The following MTX1 variants were observed in gnomAD, a reference collection of about 807,000 sequenced individuals.
MTX1 encodes the protein metaxin-1.
MTX1 carries 20 observed loss-of-function variants against 39.4 expected under a neutral mutation model. The observed-to-expected ratio is 0.51, with a 90% CI of 0.36 to 0.74. MTX1 has a LOEUF of 0.74. MTX1 is among the 30% of genes least tolerant of loss of function. The probability of loss-of-function intolerance (pLI) is 0.00; values close to 1 mark genes in which losing one functional copy is unlikely to be tolerated. For synonymous variants in MTX1, 209 were observed against 198.6 expected, an observed-to-expected ratio of 1.05 and a Z score of -0.44; for missense variants, 481 against 485.9, an observed-to-expected ratio of 0.99 and a Z score of 0.10.
chr1:155,209,291 TG>T lies in MTX1; in HGVS notation c.492del (p.Leu165CysfsTer12), dbSNP rs1451249131. On this transcript the variant is annotated frameshift_variant, in exon 1 of 8. Transcript: ENST00000368376. LOFTEE classifies it high-confidence loss of function. ...GGAGCTGTTCTGCTGGTCAGGGGGC[TG>T]GGGGCTGCCGTCAGTGGACCTGGAC... ...PMELFCWSGG[W>X]GLPSVDLDSL... 3 of 1,439,406 alleles carry T rather than the reference TG, an allele frequency of 2.1e-6. No individual in the cohort carries two copies. Among genetic ancestry groups the T allele is most frequent in the South Asian group, 1.5e-5 (1 of 65,736 alleles). The allele number at this position is 1,439,406 out of a possible 1,614,324, so 89.2% of individuals were successfully genotyped here.
Position 155,210,389 on chromosome 1 carries a change from T to C in MTX1, c.572T>C (p.Ile191Thr), listed in dbSNP as rs750522511. The change falls in exon 2 of 8, where the codon ATC (isoleucine) becomes ACC (threonine). Residue 191 changes from isoleucine (I) to threonine (T), a missense_variant. Coordinates refer to ENST00000368376, the MANE Select transcript of MTX1 (RefSeq NM_002455.5). ...FTGAPLKVHK[I>T]SNPWQSPSGT... ...GGTGCTCCACTGAAGGTACACAAGATCAGCAACCCCTGGCAGAGCCCTTCA... is the reference window on the plus strand; with the variant it reads ...GGTGCTCCACTGAAGGTACACAAGACCAGCAACCCCTGGCAGAGCCCTTCA... 1.2e-5 allele frequency: 19 copies of C among 1,614,050 alleles called. No homozygotes were observed. Among genetic ancestry groups the C allele is most frequent in the Non-Finnish European group, 1.4e-5 (17 of 1,180,024 alleles).
At chr1:155,211,485 G>A (rs1404325543) in intron 3 of MTX1, 1 of 152,760 alleles carries the variant, frequency 6.5e-6, no homozygotes, top group Non-Finnish European at 1.5e-5. Flanking sequence ...GGTTATCTGG[G>A]GACAAAGCTT....
rs1429254338 is a variant in MTX1 at position 155,208,923 on chromosome 1, G to A, written c.119G>A (p.Arg40Lys). The A allele has an allele frequency of 6.2e-7, 1 of 1,611,184 alleles. No homozygotes were observed. The highest frequency in any genetic ancestry group is 8.5e-7 in the Non-Finnish European group (1 of 1,179,576). ...CCCCAGACCTGGCCCAGGCGCACAA[G>A]ACCCCGCTCTCCAGAGCCTGCCGCG... Reference protein sequence around the residue: ...KSPQTWPRRTRPRSPEPAAPS... With the variant: ...KSPQTWPRRTKPRSPEPAAPS... The change falls in exon 1 of 8, where the codon AGA becomes AAA. Residue 40 changes from arginine (R) to lysine (K), a missense_variant. Around this residue, in one of 2 missense-constraint regions of MTX1, gnomAD observed 368 missense variants for 332.8 expected, o/e 1.11. Transcript: ENST00000368376.
Position 155,209,111 on chromosome 1 carries a change from G to A in MTX1, c.307G>A (p.Ala103Thr), listed in dbSNP as rs1163204154. Residue 103 changes from alanine to threonine, a missense_variant, in exon 1 of 8, where the codon GCC becomes ACC. Physicochemically the swap from Ala to Thr is moderately conservative, Grantham distance 58 (BLOSUM62 0). Transcript: ENST00000368376. The stretch of plus-strand genomic sequence containing the variant: ...CCCCCGCAGTTCAGCTGCCAGTCGG[G>A]CCAGAAGAAGCCTCGCCTCCCCGGG... Reference protein sequence around the residue: ...PVPRSSAASRARRSLASPGIS... With the variant: ...PVPRSSAASRTRRSLASPGIS... 1.6e-5 allele frequency: 25 copies of A among 1,542,646 alleles called. No individual in the cohort carries two copies.
rs1218410476 is a variant in MTX1 at position 155,209,158 on chromosome 1, C to A, written c.354C>A (p.Thr118=). ...CGGGGATCTCCCCAGGCCCCCTGACCGCAACGATCGGAGGGGCGGTGGCGG... is the reference window on the plus strand; with the variant it reads ...CGGGGATCTCCCCAGGCCCCCTGACAGCAACGATCGGAGGGGCGGTGGCGG... The part of the protein sequence containing the change: ...ASPGISPGPL[T]ATIGGAVAGG... The change falls in exon 1 of 8, where the codon ACC becomes ACA. Residue 118 remains threonine (T), a synonymous_variant. Transcript: ENST00000368376. The A allele has an allele frequency of 6.6e-7, 1 of 1,509,018 alleles. No homozygotes were observed. Among genetic ancestry groups the A allele is most frequent in the South Asian group, 1.2e-5 (1 of 80,126 alleles). The allele number at this position is 1,509,018 out of a possible 1,614,324, so 93.5% of individuals were successfully genotyped here. A position where few individuals can be genotyped will look rare whatever the true frequency, so the allele number is the denominator to read the frequency against.
chr1:155,209,721 C>T (rs1319054989), intron 1 of MTX1, among the ~76,000 whole-genome samples: 1 of 152,176 alleles, frequency 6.6e-6, no homozygotes, highest in African/African-American at 2.4e-5. Flanking sequence ...TCTCCTCTTC[C>T]TCCTCACTTA....
At chr1:155,210,928 C>T (rs1364040205) in intron 3 of MTX1, 25 of 429,938 alleles carry the variant, frequency 5.8e-5, no homozygotes, top group Non-Finnish European at 9.9e-5. Flanking sequence ...AGGGCCACTT[C>T]CTGTTTTCAG....
chr1:155,210,349 T>A lies in MTX1; in HGVS notation c.532T>A (p.Tyr178Asn). Residue 178 changes from tyrosine (Y) to asparagine (N), a missense_variant, in exon 2 of 8, where the codon TAT becomes AAT. Around this residue, in one of 2 missense-constraint regions of MTX1, gnomAD observed 368 missense variants for 332.8 expected, o/e 1.11. Transcript: ENST00000368376. Reference sequence around the variant, plus strand: ...ACTTCTGCTTCCTTCCCTGCAGACCTATGCCAGATTTACTGGTGCTCCACT... The same window carrying A: ...ACTTCTGCTTCCTTCCCTGCAGACCAATGCCAGATTTACTGGTGCTCCACT... ...VDLDSLAVLT[Y>N]ARFTGAPLKV... The A allele has an allele frequency of 6.2e-7, 1 of 1,614,192 alleles. No individual in the cohort carries two copies. Among genetic ancestry groups the A allele is most frequent in the Non-Finnish European group, 8.5e-7 (1 of 1,179,996 alleles).
intron 1 of MTX1, among the ~76,000 whole-genome samples, chr1:155,209,890 G>A (rs1261649888): frequency 2.6e-5 from 4 of 152,192 alleles, no homozygotes; most frequent in African/African-American, 7.2e-5. Flanking sequence ...AACATTGCCA[G>A]GCAAAGATGA....
rs1410196734 is a variant in MTX1 at position 155,212,381 on chromosome 1, C to T, written c.772-4C>T. 7 of 1,613,954 alleles carry T rather than the reference C, an allele frequency of 4.3e-6. No individual in the cohort carries two copies. The highest frequency in any genetic ancestry group is 5.1e-6 in the Non-Finnish European group (6 of 1,179,930). On this transcript the variant is annotated splice_region_variant and splice_polypyrimidine_tract_variant and intron_variant, in intron 4 of 7. Transcript: ENST00000368376. ...ACCTGTTTCTTCCTGCCCACCCAAT[C>T]CAGGTACATACTTTTTGGATAGACA...
Position 155,209,471 on chromosome 1 carries a change from G to A in MTX1, c.528+139G>A, listed in dbSNP as rs1006946111. The A allele has an allele frequency of 1.1e-4, 108 of 958,732 alleles. No individual in the cohort carries two copies. The East Asian group carries it at 2.9e-3, about 25-fold the overall frequency. 59.4% of individuals were successfully genotyped at this position (958,732 alleles called of 1,614,324 possible). A position where few individuals can be genotyped will look rare whatever the true frequency, so the allele number is the denominator to read the frequency against. On this transcript the variant is annotated intron_variant, in intron 1 of 7. Coordinates refer to ENST00000368376, the MANE Select transcript of MTX1 (RefSeq NM_002455.5). ...CTGAGGCAGTCAAAGAGCGTACGTG[G>A]CCGATATGGCCTCAGTGCCCTATGC...
chr1:155,208,813 CG>C lies in MTX1; in HGVS notation c.14del (p.Gly5AspfsTer113), dbSNP rs1670905347. MLLGGPPRSPRSGT... is the reference protein window; with the variant it reads MLLXGPPRSPRSGT... ...AACGCGCTGTGGAAAACATGCTGCT[CG>C]GGGGACCCCCCCGCAGTCCCCGCTC... On this transcript the variant is annotated frameshift_variant, in exon 1 of 8. Transcript: ENST00000368376. LOFTEE classifies it high-confidence loss of function. The C allele has an allele frequency of 6.4e-7, 1 of 1,556,220 alleles. No individual in the cohort carries two copies.
chr1:155,212,109 T>C lies in MTX1; in HGVS notation c.679-18T>C. 4 of 1,590,090 alleles carry C rather than the reference T, an allele frequency of 2.5e-6. No homozygotes were observed. Among genetic ancestry groups the C allele is most frequent in the Non-Finnish European group, 3.4e-6 (4 of 1,166,886 alleles). ...TTGCAGCTCCCTAGTGTCCACGCCATGGATATTTCCTCCACAGAAGTACAA... is the reference window on the plus strand; with the variant it reads ...TTGCAGCTCCCTAGTGTCCACGCCACGGATATTTCCTCCACAGAAGTACAA... On this transcript the variant is annotated intron_variant, in intron 3 of 7. Coordinates refer to ENST00000368376, the MANE Select transcript of MTX1 (RefSeq NM_002455.5).
chr1:155,208,709 CCGGCCTCCGCT>C lies in MTX1; in HGVS notation c.-94_-84del. 1.5e-6 allele frequency: 2 copies of C among 1,294,760 alleles called. No homozygotes were observed. The highest frequency in any genetic ancestry group is 2.0e-6 in the Non-Finnish European group (2 of 977,970). The allele number at this position is 1,294,760 out of a possible 1,614,324, so 80.2% of individuals were successfully genotyped here. A position where few individuals can be genotyped will look rare whatever the true frequency, so the allele number is the denominator to read the frequency against. ...TCCCCTCCCCCACCCAAGCCCCAGC[CCGGCCTCCGCT>C]CCGGCCGCCGCCACCGCCCCTGTTT... On this transcript the variant is annotated 5_prime_UTR_variant, in exon 1 of 8. Coordinates refer to ENST00000368376, the MANE Select transcript of MTX1 (RefSeq NM_002455.5).
chr1:155,210,501 A>G (rs1304043644), intron 2 of MTX1, 47 bp from the exon 3 acceptor site: 3 of 1,608,016 alleles, frequency 1.9e-6, no homozygotes, highest in African/African-American at 1.3e-5. Flanking sequence ...ACTATGTATG[A>G]CTAGGCAGCT....
At position 155,209,245 on chromosome 1, in the gene MTX1, G is replaced by A. The variant is rs1405962884; in HGVS notation, c.441G>A (p.Val147=). Residue 147 remains valine, a synonymous_variant, in exon 1 of 8, where the codon GTG becomes GTA. Coordinates refer to ENST00000368376, the MANE Select transcript of MTX1 (RefSeq NM_002455.5). ...AGGAAGTGTTTCCGGGACAGAGGGT[G>A]GGCAAGATGGCGGCGCCCATGGAGC... is the stretch of plus-strand genomic sequence containing the variant. The part of the protein sequence containing the change: ...AHKEVFPGQR[V]GKMAAPMELF... 3 of 1,447,600 alleles carry A rather than the reference G, an allele frequency of 2.1e-6. No homozygotes were observed. Among genetic ancestry groups the A allele is most frequent in the Non-Finnish European group, 9.1e-7 (1 of 1,096,874 alleles). 89.7% of individuals were successfully genotyped at this position (1,447,600 alleles called of 1,614,324 possible).
intron 3 of MTX1, chr1:155,211,308 G>A (rs1397465248): frequency 1.2e-4 from 18 of 153,102 alleles, no homozygotes; most frequent in Non-Finnish European, 2.5e-4. Context: ...GTTCCTGGCA[G>A]AGCCGAGGCC....
At chr1:155,211,931 A>C (rs1329463837) in intron 3 of MTX1, 196 bp from the exon 4 acceptor site, 1 of 476,702 alleles carries the variant, frequency 2.1e-6, no homozygotes, top group Non-Finnish European at 3.7e-6. Flanking sequence ...AGGAGGCTCC[A>C]AGGCCCAGGC....
Position 155,208,948 on chromosome 1 carries a change from G to A in MTX1, c.144G>A (p.Ala48=). ...GACCCCGCTCTCCAGAGCCTGCCGC[G>A]CCTTCAGGGGTTCGGGGCTCCACTT... ...RTRPRSPEPA[A]PSGVRGSTWT... is the part of the protein sequence containing the mutation. Residue 48 remains alanine, a synonymous_variant, in exon 1 of 8, where the codon GCG becomes GCA. Transcript: ENST00000368376. 1.2e-6 allele frequency: 2 copies of A among 1,609,646 alleles called. No individual in the cohort carries two copies. The highest frequency in any genetic ancestry group is 1.7e-6 in the Non-Finnish European group (2 of 1,179,064).
Sources: allele counts gnomAD v4.1 joint callset (sites outside exome capture counted in the v4.1 genomes callset), GRCh38; gene constraint gnomAD v4.1.1; regional missense constraint gnomAD v4.1.1; transcripts MANE v1.5; gene names NCBI Gene and HGNC (gene_info 2026-07-23, HGNC 2026-07-21).